ATXN1: variants seen among roughly 807,000 people sequenced by gnomAD.
ATXN1 encodes ataxin-1.
In ATXN1, 8 loss-of-function variants were observed where a neutral mutation model predicts 56.4. The observed-to-expected ratio is 0.14, with a 90% confidence interval of 0.08 to 0.26. The LOEUF is 0.26. Among genes scored for constraint, ATXN1 ranks in the 10% least tolerant of loss-of-function variants. The probability of loss-of-function intolerance (pLI) is 1.00; values close to 1 mark genes in which losing one functional copy is unlikely to be tolerated. For synonymous variants in ATXN1, 514 were observed against 494.6 expected (o/e 1.04, Z -0.52); for missense variants, 987 against 1,106.5 (o/e 0.89, Z 1.53).
intron 6 of ATXN1, among the ~76,000 whole-genome samples, chr6:16,409,902 G>A (rs1249055770): frequency 6.6e-6 from 1 of 152,162 alleles, no homozygotes; most frequent in Non-Finnish European, 1.5e-5. Flanking sequence ...CTGGGCTGAT[G>A]ATGCTGGTTG....
intron 3 of ATXN1, among the ~76,000 whole-genome samples, chr6:16,652,633 T>C (rs1758088422): frequency 6.6e-6 from 1 of 152,314 alleles, no homozygotes; most frequent in East Asian, 1.9e-4. Flanking sequence ...ATGCAGACAA[T>C]GGCACCTTTC....
At chr6:16,436,346 C>A (rs1759388712) in intron 6 of ATXN1, among the ~76,000 whole-genome samples, 1 of 152,144 alleles carries the variant, frequency 6.6e-6, no homozygotes, top group Admixed American at 6.5e-5. Flanking sequence ...GTACTAGATG[C>A]TGACAAAGAC....
chr6:16,451,443 C>T (rs973511540), intron 6 of ATXN1, among the ~76,000 whole-genome samples: 4 of 152,220 alleles, frequency 2.6e-5, no homozygotes, highest in East Asian at 1.9e-4. Flanking sequence ...CCAGCCTGGG[C>T]GACAGAGCGA....
intron 2 of ATXN1, among the ~76,000 whole-genome samples, chr6:16,745,474 A>G (rs1760499649): frequency 6.6e-6 from 1 of 152,262 alleles, no homozygotes. Context: ...CAAAACTGAA[A>G]AAAAGATATA....
At position 16,637,329 on chromosome 6, in the gene ATXN1, C is replaced by A. The variant is rs1763617419; in HGVS notation, c.-489+20447G>T. 2.2e-5 allele frequency among the ~76,000 whole-genome samples: 3 copies of A among 137,158 alleles called. No homozygotes were observed. The South Asian group carries it at 6.9e-4, about 31-fold the overall frequency. 90.0% of individuals were successfully genotyped at this position (137,158 alleles called of 152,430 possible). ...CTTGGTCACAGGAAGGGGAACATCG[C>A]ACACCGGGGCCTGTCATGGAGTGGG... On this transcript the variant is annotated intron_variant, in intron 3 of 7. Coordinates refer to ENST00000436367, the MANE Select transcript of ATXN1 (RefSeq NM_001128164.2).
intron 1 of ATXN1, among the ~76,000 whole-genome samples, chr6:16,759,978 G>A (rs1010999978): frequency 4.0e-5 from 6 of 151,776 alleles, no homozygotes; most frequent in African/African-American, 1.5e-4. Context: ...CCCCCGCCCG[G>A]CGCGCGCGCG....
chr6:16,695,189 T>G (rs1049892550), intron 2 of ATXN1, among the ~76,000 whole-genome samples: 1 of 152,176 alleles, frequency 6.6e-6, no homozygotes, highest in Admixed American at 6.5e-5. Flanking sequence ...GGTCCTGCCA[T>G]CACATACACT....
chr6:16,508,789 TG>T (rs1761026988), intron 5 of ATXN1, among the ~76,000 whole-genome samples: 1 of 152,054 alleles, frequency 6.6e-6, no homozygotes, highest in South Asian at 2.1e-4. Context: ...CCAAAAGAAC[TG>T]AAAGGAGAAC....
chr6:16,340,198 T>C (rs921371545), intron 6 of ATXN1, among the ~76,000 whole-genome samples: 2 of 152,176 alleles, frequency 1.3e-5, no homozygotes, highest in African/African-American at 2.4e-5. Flanking sequence ...GGCCACTGGA[T>C]GGAGTAACAA....
At position 16,304,308 on chromosome 6, in the gene ATXN1, T is replaced by A. The variant is rs1207801448; in HGVS notation, c.*2021A>T. 1 of 152,614 alleles carries A rather than the reference T, an allele frequency of 6.6e-6. No homozygotes were observed. The highest frequency in any genetic ancestry group is 1.5e-5 in the Non-Finnish European group (1 of 68,034). The allele number at this position is 152,614 out of a possible 1,614,324, so 9.5% of individuals were successfully genotyped here. The stretch of plus-strand genomic sequence containing the variant: ...TCTCCCTACTTATAAAACTTTTTTT[T>A]AAAGCACTTTAAAGATGCATTCAAA... On this transcript the variant is annotated 3_prime_UTR_variant, in exon 8 of 8. Transcript: ENST00000436367.
At chr6:16,736,602 A>G (rs1760143223) in intron 2 of ATXN1, among the ~76,000 whole-genome samples, 2 of 152,250 alleles carry the variant, frequency 1.3e-5, no homozygotes, top group Admixed American at 1.3e-4. Context: ...CACAAGAACA[A>G]AGGGAAATCC....
intron 6 of ATXN1, among the ~76,000 whole-genome samples, chr6:16,374,807 G>T (rs1762111427): frequency 6.6e-6 from 1 of 152,230 alleles, no homozygotes; most frequent in Admixed American, 6.5e-5. Context: ...TGAAAGAAGA[G>T]AAATACATCT....
intron 6 of ATXN1, among the ~76,000 whole-genome samples, chr6:16,453,630 CA>C (rs1759801444): frequency 6.6e-6 from 1 of 152,052 alleles, no homozygotes; most frequent in Non-Finnish European, 1.5e-5. Flanking sequence ...TTAAAAACTT[CA>C]AATGAAAGAG....
At chr6:16,588,574 G>A (rs1323858745) in intron 3 of ATXN1, among the ~76,000 whole-genome samples, 1 of 152,168 alleles carries the variant, frequency 6.6e-6, no homozygotes, top group Non-Finnish European at 1.5e-5. Context: ...TGTATAGAAT[G>A]ACCCTCCCTG....
chr6:16,526,858 G>C (rs1761405380), intron 4 of ATXN1, among the ~76,000 whole-genome samples: 1 of 151,952 alleles, frequency 6.6e-6, no homozygotes, highest in South Asian at 2.1e-4. Context: ...AATAGGGATG[G>C]CTAGATCAAG....
chr6:16,446,262 C>T (rs1356628286), intron 6 of ATXN1, among the ~76,000 whole-genome samples: 1 of 152,084 alleles, frequency 6.6e-6, no homozygotes, highest in African/African-American at 2.4e-5. Flanking sequence ...ATTTGCATTT[C>T]TCTGATGGCC....
In ATXN1 at chr6:16,299,195, A is replaced by G. The variant is rs1760017375; in HGVS notation, c.*7134T>C. The G allele has an allele frequency of 6.6e-6, 1 of 152,654 alleles. No homozygotes were observed. Among genetic ancestry groups the G allele is most frequent in the African/African-American group, 2.4e-5 (1 of 41,448 alleles). 9.5% of individuals were successfully genotyped at this position (152,654 alleles called of 1,614,324 possible). Reference sequence around the variant, plus strand: ...GTATACAGACAATTTATTTAAAACAATTTTGTTCAAATTTTGAATCAAACA... The same window carrying G: ...GTATACAGACAATTTATTTAAAACAGTTTTGTTCAAATTTTGAATCAAACA... On this transcript the variant is annotated 3_prime_UTR_variant, in exon 8 of 8. Transcript: ENST00000436367.
intron 7 of ATXN1, among the ~76,000 whole-genome samples, chr6:16,310,552 G>A (rs779581098): frequency 3.9e-5 from 6 of 152,028 alleles, no homozygotes; most frequent in Non-Finnish European, 7.4e-5. Context: ...GCGCGATCTC[G>A]GCTCACTGCA....
chr6:16,431,964 A>G (rs1464866870), intron 6 of ATXN1, among the ~76,000 whole-genome samples: 3 of 152,172 alleles, frequency 2.0e-5, no homozygotes, highest in Non-Finnish European at 4.4e-5. Flanking sequence ...GCAAAAGAGG[A>G]CCAGTCTCTG....
Sources: allele counts gnomAD v4.1 joint callset (sites outside exome capture counted in the v4.1 genomes callset), GRCh38; gene constraint gnomAD v4.1.1; transcripts MANE v1.5; gene names NCBI Gene and HGNC (gene_info 2026-07-23, HGNC 2026-07-21).